USP8: variants seen among roughly 807,000 people sequenced by gnomAD.
USP8 encodes ubiquitin carboxyl-terminal hydrolase 8.
Under a neutral mutation model 130.0 loss-of-function variants are expected in USP8, and 27 were observed. The ratio of observed to expected loss-of-function variants is 0.21; its 90% CI spans 0.15 to 0.29. The LOEUF is 0.29. Ranked by LOEUF, USP8 falls within the 10% of genes least tolerant of loss-of-function variation. USP8 has a pLI of 1.00. For missense variants in USP8, 1,029 were observed against 1,312.2 expected (o/e 0.78, Z 3.33); for synonymous variants, 392 against 444.1 (o/e 0.88, Z 1.48).
At chr15:50,480,228 G>A (rs531984832) in intron 10 of USP8, among the ~76,000 whole-genome samples, 1 of 152,084 alleles carries the variant, frequency 6.6e-6, no homozygotes, top group Admixed American at 6.5e-5. Context: ...GTTAAATTGA[G>A]GTAATAAACA....
chr15:50,430,989 C>A (rs2049912057), intron 1 of USP8, among the ~76,000 whole-genome samples: 1 of 152,192 alleles, frequency 6.6e-6, no homozygotes, highest in Non-Finnish European at 1.5e-5. Flanking sequence ...AAACATCCTG[C>A]AGTGCACATT....
intron 4 of USP8, among the ~76,000 whole-genome samples, chr15:50,453,162 C>T (rs980182746): frequency 7.9e-5 from 12 of 152,210 alleles, no homozygotes; most frequent in African/African-American, 2.9e-4. Context: ...TTTGAGAATC[C>T]ATTATCCCTG....
chr15:50,496,648 A>G (rs1204011043), intron 17 of USP8, among the ~76,000 whole-genome samples: 2 of 152,178 alleles, frequency 1.3e-5, no homozygotes, highest in Admixed American at 6.5e-5. Context: ...AAAAAGTTTT[A>G]TAAGTTAATT....
At chr15:50,498,338 C>A (rs1455966125) in intron 18 of USP8, 3 of 324,076 alleles carry the variant, frequency 9.3e-6, no homozygotes, top group South Asian at 2.0e-4. Flanking sequence ...TGTAGCTGGA[C>A]CAGAGTATAG....
intron 4 of USP8, among the ~76,000 whole-genome samples, chr15:50,457,742 T>G (rs1015833938): frequency 4.6e-5 from 7 of 150,584 alleles, no homozygotes; most frequent in Non-Finnish European, 7.4e-5. Flanking sequence ...GTGCCTCTAG[T>G]CCCAGCTACT....
Position 50,477,036 on chromosome 15 carries a change from T to C in USP8, c.994+43T>C, listed in dbSNP as rs779873756. 6 of 1,589,446 alleles carry C rather than the reference T, an allele frequency of 3.8e-6. No individual in the cohort carries two copies. The East Asian group carries it at 1.3e-4, about 36-fold the overall frequency. On this transcript the variant is annotated intron_variant, in intron 9 of 19. Transcript: ENST00000307179. ...TTTGTTTAAAATTGCTTTGGTAAAA[T>C]ATGGTTTAAAATTGTTTTCCCGGTA...
chr15:50,480,913 G>A (rs576553567), intron 10 of USP8, among the ~76,000 whole-genome samples: 1 of 152,112 alleles, frequency 6.6e-6, no homozygotes, highest in South Asian at 2.1e-4. Flanking sequence ...GCCTGTGGTA[G>A]AAGAGATGGA....
At chr15:50,439,400 T>A (rs1379960939) in intron 2 of USP8, among the ~76,000 whole-genome samples, 4 of 152,136 alleles carry the variant, frequency 2.6e-5, no homozygotes, top group African/African-American at 9.7e-5. Context: ...ACAGATATGA[T>A]CTCTAGGTCA....
chr15:50,454,828 C>T (rs1232658968), intron 4 of USP8, among the ~76,000 whole-genome samples: 1 of 151,432 alleles, frequency 6.6e-6, no homozygotes, highest in Non-Finnish European at 1.5e-5. Context: ...TTGCCCAGGC[C>T]GAAGTGCAGT....
At chr15:50,460,057 G>A (rs2050935440) in intron 5 of USP8, among the ~76,000 whole-genome samples, 2 of 131,238 alleles carry the variant, frequency 1.5e-5, no homozygotes, top group Admixed American at 1.9e-4. Context: ...GAATGCAATG[G>A]CGTGATCTCG....
At chr15:50,476,227 C>A (rs1361558331) in intron 8 of USP8, among the ~76,000 whole-genome samples, 6 of 152,106 alleles carry the variant, frequency 3.9e-5, no homozygotes, top group African/African-American at 1.4e-4. Context: ...CCCAGGAGTT[C>A]GAGACCAGCC....
rs1359429413 is a variant in USP8 at position 50,462,237 on chromosome 15, G to C, written c.499-43G>C. The stretch of plus-strand genomic sequence containing the variant: ...ATGAAGTATTAAAGTTGAATTTTTT[G>C]TGTCTATGAAAGTTGAAACTTTTTT... On this transcript the variant is annotated intron_variant, in intron 5 of 19. Transcript: ENST00000307179. The C allele has an allele frequency of 1.5e-5, 24 of 1,549,996 alleles. No individual in the cohort carries two copies. In the Admixed American group the frequency reaches 4.4e-4, roughly 28 times the overall value.
chr15:50,462,208 G>GTAAA, intron 5 of USP8, 72 bp from the exon 6 acceptor site: 1 of 1,300,236 alleles, frequency 7.7e-7, no homozygotes, highest in Non-Finnish European at 1.1e-6. Flanking sequence ...TTTAAGAGAA[G>GTAAA]TAAATGAAGT....
chr15:50,463,691 A>G (rs925825133), intron 6 of USP8, among the ~76,000 whole-genome samples: 1 of 152,166 alleles, frequency 6.6e-6, no homozygotes, highest in African/African-American at 2.4e-5. Flanking sequence ...CTGTTTTGTT[A>G]GCATACACTT....
chr15:50,489,765 AT>A (rs546199809), intron 12 of USP8, 35 bp from the exon 13 acceptor site: 142 of 1,320,304 alleles, frequency 1.1e-4, no homozygotes, highest in Admixed American at 3.7e-4. Context: ...TTTAAAAAAA[AT>A]TTTTTTTTAA....
chr15:50,504,769 G>C lies in USP8; in HGVS notation c.*5681G>C, dbSNP rs2052634934. On this transcript the variant is annotated 3_prime_UTR_variant, in exon 20 of 20. Coordinates refer to ENST00000307179, the MANE Select transcript of USP8 (RefSeq NM_005154.5). ...CTGAGGCGGGTGGACCATGAGGTCAGGAGTTCAAGACCAACCTGGTACACA... is the reference window on the plus strand; with the variant it reads ...CTGAGGCGGGTGGACCATGAGGTCACGAGTTCAAGACCAACCTGGTACACA... The C allele has an allele frequency of 6.6e-6, 1 of 152,148 alleles. No individual in the cohort carries two copies. The highest frequency in any genetic ancestry group is 2.4e-5 in the African/African-American group (1 of 41,382). 9.4% of individuals were successfully genotyped at this position (152,148 alleles called of 1,614,324 possible).
In USP8 at chr15:50,506,652, T is replaced by C. The variant is rs1363584644; in HGVS notation, c.*7564T>C. The C allele has an allele frequency of 6.6e-6, 1 of 152,124 alleles. No homozygotes were observed. The highest frequency in any genetic ancestry group is 1.5e-5 in the Non-Finnish European group (1 of 68,032). 9.4% of individuals were successfully genotyped at this position (152,124 alleles called of 1,614,324 possible). A position where few individuals can be genotyped will look rare whatever the true frequency, so the allele number is the denominator to read the frequency against. ...GGGATGTAGTAAATTTACCAAATAT[T>C]TACTGGATTTTAAATATCCAGTTCT... On this transcript the variant is annotated 3_prime_UTR_variant, in exon 20 of 20. Transcript: ENST00000307179.
chr15:50,479,544 T>A (rs1297373750), intron 10 of USP8, among the ~76,000 whole-genome samples: 3 of 152,136 alleles, frequency 2.0e-5, no homozygotes, highest in Non-Finnish European at 2.9e-5. Context: ...CTTTTAAAAT[T>A]AGGGAAAAAT....
In USP8 at chr15:50,512,326, A is replaced by T. The variant is rs1327063544; in HGVS notation, c.*13238A>T. 7.7e-6 allele frequency: 1 copy of T among 130,138 alleles called. No individual in the cohort carries two copies. The highest frequency in any genetic ancestry group is 1.6e-5 in the Non-Finnish European group (1 of 63,852). 8.1% of individuals were successfully genotyped at this position (130,138 alleles called of 1,614,324 possible). On this transcript the variant is annotated 3_prime_UTR_variant, in exon 20 of 20. Coordinates refer to ENST00000307179, the MANE Select transcript of USP8 (RefSeq NM_005154.5). ...CTGGGCAACAGAGCAAGACTCTGTTAAAAAAAAAAAAAATAGCGAGAGATC... is the reference window on the plus strand; with the variant it reads ...CTGGGCAACAGAGCAAGACTCTGTTTAAAAAAAAAAAAATAGCGAGAGATC...
Sources: allele counts gnomAD v4.1 joint callset (sites outside exome capture counted in the v4.1 genomes callset), GRCh38; gene constraint gnomAD v4.1.1; transcripts MANE v1.5; gene names NCBI Gene and HGNC (gene_info 2026-07-23, HGNC 2026-07-21).